The following DIS3L2 variants were observed in gnomAD, a reference collection of about 807,000 sequenced individuals.
DIS3L2 encodes the protein DIS3 like 3'-5' exoribonuclease 2.
DIS3L2 carries 34 observed loss-of-function variants against 97.5 expected under a neutral mutation model. The observed-to-expected ratio is 0.35, with a 90% CI of 0.27 to 0.46. DIS3L2 has a LOEUF of 0.46. DIS3L2 is among the 20% of genes least tolerant of loss of function. The pLI, the probability that DIS3L2 is intolerant of heterozygous loss-of-function variation, is 1.00. For synonymous variants in DIS3L2, 435 were observed against 445.2 expected, an observed-to-expected ratio of 0.98 and a Z score of 0.29; for missense variants, 1,038 against 1,146.0, an observed-to-expected ratio of 0.91 and a Z score of 1.36.
intron 12 of DIS3L2, among the ~76,000 whole-genome samples, chr2:232,262,789 C>T (rs1454689461): frequency 3.3e-5 from 5 of 152,180 alleles, no homozygotes; most frequent in Non-Finnish European, 7.3e-5. Flanking sequence ...GCCCCACCTC[C>T]CCCTTCTCCC....
intron 6 of DIS3L2, among the ~76,000 whole-genome samples, chr2:232,107,704 A>G (rs1458702018): frequency 2.6e-5 from 4 of 152,210 alleles, no homozygotes. Context: ...CTCCATCTCA[A>G]AAAGAAATGA....
chr2:232,155,038 G>T (rs905007721), intron 8 of DIS3L2, among the ~76,000 whole-genome samples: 21 of 149,898 alleles, frequency 1.4e-4, no homozygotes, highest in African/African-American at 4.7e-4. Flanking sequence ...CCCAGGTGAG[G>T]CAATGCCTCG....
chr2:232,329,785 T>TGCCCGGGGGGCC, intron 14 of DIS3L2, 28 bp from the exon 15 acceptor site: 64 of 967,100 alleles, frequency 6.6e-5, no homozygotes, highest in Non-Finnish European at 7.9e-5. Flanking sequence ...ACCCCAGCGG[T>TGCCCGGGGGGCC]CCCTCCCATC....
In DIS3L2 at chr2:232,334,090, G is replaced by A. The variant is rs1384081374; in HGVS notation, c.2158+103G>A. ...CCAAGACCATTCTGCCGTGACAGCG[G>A]AGGTCCAAGGGTCGGGCGACCCAAG... On this transcript the variant is annotated intron_variant, in intron 17 of 20. Transcript: ENST00000325385. The A allele has an allele frequency of 1.0e-5, 15 of 1,486,872 alleles. No homozygotes were observed. In the East Asian group the frequency reaches 3.6e-4, roughly 35 times the overall value. 92.1% of individuals were successfully genotyped at this position (1,486,872 alleles called of 1,614,324 possible). A position where few individuals can be genotyped will look rare whatever the true frequency, so the allele number is the denominator to read the frequency against.
chr2:232,056,366 A>AAAC (rs147366104), intron 5 of DIS3L2, among the ~76,000 whole-genome samples: 320 of 149,150 alleles, frequency 2.1e-3, no homozygotes, highest in African/African-American at 5.6e-3. Flanking sequence ...CTCCATCTCA[A>AAAC]AACAACAACA....
chr2:232,313,593 C>T (rs751747427), intron 14 of DIS3L2, among the ~76,000 whole-genome samples: 6 of 152,148 alleles, frequency 3.9e-5, no homozygotes, highest in African/African-American at 7.2e-5. Flanking sequence ...CATAGATGAC[C>T]GAGAGAAAAG....
chr2:232,123,781 G>A lies in DIS3L2; in HGVS notation c.602-6838G>A, dbSNP rs183461597. The stretch of plus-strand genomic sequence containing the variant: ...GACATTGTAGGTTTGACCACCAGTT[G>A]CTGGGGACAGAAATAAGGTCCAGAC... On this transcript the variant is annotated intron_variant, in intron 6 of 20. Coordinates refer to ENST00000325385, the MANE Select transcript of DIS3L2 (RefSeq NM_152383.5). Among the ~76,000 whole-genome samples the A allele has an allele frequency of 9.8e-5, 15 of 152,304 alleles. No homozygotes were observed. The East Asian group carries it at 2.9e-3, about 29-fold the overall frequency.
At chr2:231,975,183 G>C (rs1308082798) in intron 1 of DIS3L2, among the ~76,000 whole-genome samples, 4 of 152,146 alleles carry the variant, frequency 2.6e-5, no homozygotes, top group Non-Finnish European at 5.9e-5. Flanking sequence ...GCCCATGCCA[G>C]AGTGCCAAGC....
chr2:232,222,229 C>T (rs980895417), intron 10 of DIS3L2, among the ~76,000 whole-genome samples: 3 of 152,118 alleles, frequency 2.0e-5, no homozygotes, highest in Non-Finnish European at 2.9e-5. Context: ...AGGCGTGAGC[C>T]ACCACGCCCA....
intron 1 of DIS3L2, among the ~76,000 whole-genome samples, chr2:231,975,995 T>TACACACACAC (rs200951402): frequency 6.6e-6 from 1 of 151,162 alleles, no homozygotes; most frequent in Non-Finnish European, 1.5e-5. Flanking sequence ...TACACACACA[T>TACACACACAC]ACACACACAC....
At chr2:232,137,608 T>C (rs565651485) in intron 8 of DIS3L2, among the ~76,000 whole-genome samples, 1 of 152,344 alleles carries the variant, frequency 6.6e-6, no homozygotes, top group East Asian at 1.9e-4. Flanking sequence ...AATGGATGGC[T>C]ACAATGTGCT....
chr2:232,274,659 A>G (rs1265434338), intron 13 of DIS3L2, among the ~76,000 whole-genome samples: 3 of 152,200 alleles, frequency 2.0e-5, no homozygotes, highest in Non-Finnish European at 1.5e-5. Context: ...AAGAGCCTGC[A>G]GTCTTATTAA....
intron 5 of DIS3L2, among the ~76,000 whole-genome samples, chr2:232,057,879 T>C (rs903119813): frequency 6.6e-5 from 10 of 152,240 alleles, no homozygotes; most frequent in African/African-American, 2.4e-4. Flanking sequence ...TTGTTTATTT[T>C]GTAAAAATTC....
At chr2:232,054,684 T>A (rs1695496268) in intron 5 of DIS3L2, among the ~76,000 whole-genome samples, 2 of 152,190 alleles carry the variant, frequency 1.3e-5, no homozygotes, top group South Asian at 4.1e-4. Flanking sequence ...AAGTGAATGC[T>A]TCCAAATGTT....
chr2:232,270,908 CTCTCTCTG>C (rs1211769665), intron 13 of DIS3L2, among the ~76,000 whole-genome samples: 6 of 130,550 alleles, frequency 4.6e-5, no homozygotes, highest in African/African-American at 5.7e-5. Flanking sequence ...CTCTCTCTCT[CTCTCTCTG>C]TCTCGTCTCT....
chr2:232,336,247 G>T, intron 20 of DIS3L2: 1 of 1,543,200 alleles, frequency 6.5e-7, no homozygotes, highest in Non-Finnish European at 8.7e-7. Context: ...CCCTCAGGTT[G>T]TGTTTCATAA....
intron 14 of DIS3L2, among the ~76,000 whole-genome samples, chr2:232,303,146 G>C (rs1283506344): frequency 2.0e-5 from 3 of 152,024 alleles, no homozygotes; most frequent in Non-Finnish European, 2.9e-5. Context: ...GGAAGAGGCT[G>C]GTGTGCCTGC....
chr2:232,342,173 A>C (rs1399702306), downstream of DIS3L2, among the ~76,000 whole-genome samples: 1 of 151,882 alleles, frequency 6.6e-6, no homozygotes, highest in Non-Finnish European at 1.5e-5. Context: ...ACACATACAC[A>C]TATATACACG....
At chr2:232,044,061 C>G (rs1454532496) in intron 5 of DIS3L2, among the ~76,000 whole-genome samples, 4 of 152,014 alleles carry the variant, frequency 2.6e-5, no homozygotes, top group Non-Finnish European at 1.5e-5. Context: ...AAAATGCAAG[C>G]TAGGGATATA....
Sources: gnomAD v4.1 joint callset for allele counts (sites outside exome capture counted in the v4.1 genomes callset) on GRCh38, gnomAD v4.1.1 for gene constraint, MANE v1.5 for transcripts, NCBI Gene and HGNC (gene_info 2026-07-23, HGNC 2026-07-21) for gene names.